CCDC6: variants seen among roughly 807,000 people sequenced by gnomAD.
The protein encoded by CCDC6 is coiled-coil domain containing 6, also known as coiled-coil domain-containing protein 6.
Under a neutral mutation model 56.6 loss-of-function variants are expected in CCDC6, and 20 were observed. That is an observed-to-expected ratio of 0.35 (90% CI 0.25 to 0.51). The LOEUF (loss-of-function observed/expected upper bound fraction) is 0.51, where lower values mean the gene tolerates loss of function less well. CCDC6 is among the 20% of genes least tolerant of loss of function. The probability of loss-of-function intolerance (pLI) is 0.95; values close to 1 mark genes in which losing one functional copy is unlikely to be tolerated. For missense variants in CCDC6, 367 were observed against 601.1 expected, an observed-to-expected ratio of 0.61 and a Z score of 4.07; for synonymous variants, 241 against 234.4, an observed-to-expected ratio of 1.03 and a Z score of -0.26.
chr10:59,862,774 G>C (rs1012684181), intron 1 of CCDC6, among the ~76,000 whole-genome samples: 18 of 152,124 alleles, frequency 1.2e-4, no homozygotes, highest in Non-Finnish European at 2.2e-4. Context: ...CAAGTATCAA[G>C]ATCAGTGGGA....
intron 1 of CCDC6, among the ~76,000 whole-genome samples, chr10:59,864,581 T>C (rs1216427799): frequency 6.6e-6 from 1 of 152,172 alleles, no homozygotes; most frequent in Admixed American, 6.5e-5. Context: ...AGAACAAGCT[T>C]ACTCAATCAG....
chr10:59,864,180 T>A (rs2071158131), intron 1 of CCDC6, among the ~76,000 whole-genome samples: 3 of 151,990 alleles, frequency 2.0e-5, no homozygotes, highest in Admixed American at 6.6e-5. Context: ...AGAAGAAAGT[T>A]CCCCCCACCT....
intron 1 of CCDC6, among the ~76,000 whole-genome samples, chr10:59,885,915 GC>G (rs1554887624): frequency 8.4e-6 from 1 of 118,760 alleles, no homozygotes; most frequent in Non-Finnish European, 1.7e-5. Flanking sequence ...TTCCAACCCC[GC>G]CCCCCGCCCC....
chr10:59,906,033 G>A, intron 1 of CCDC6, 89 bp downstream of exon 1: 1 of 1,152,540 alleles, frequency 8.7e-7, no homozygotes, highest in African/African-American at 1.5e-5. Context: ...GGAATCTGGG[G>A]AAGACTTGGG....
intron 4 of CCDC6, among the ~76,000 whole-genome samples, chr10:59,814,205 T>C (rs1054661962): frequency 6.6e-6 from 1 of 152,210 alleles, no homozygotes; most frequent in Non-Finnish European, 1.5e-5. Context: ...TTCTTTACAG[T>C]AGGTTTTAAA....
At chr10:59,866,487 A>G (rs1481135902) in intron 1 of CCDC6, among the ~76,000 whole-genome samples, 3 of 152,236 alleles carry the variant, frequency 2.0e-5, no homozygotes, top group African/African-American at 7.2e-5. Flanking sequence ...ATATATGCAT[A>G]TACTCGTATA....
chr10:59,849,131 T>G (rs2071017450), intron 2 of CCDC6, among the ~76,000 whole-genome samples: 2 of 152,248 alleles, frequency 1.3e-5, no homozygotes, highest in Non-Finnish European at 2.9e-5. Flanking sequence ...TTAGCTCTAA[T>G]GTAGGTTCAT....
intron 7 of CCDC6, among the ~76,000 whole-genome samples, chr10:59,798,168 C>T (rs1050399572): frequency 6.6e-6 from 1 of 152,186 alleles, no homozygotes; most frequent in Non-Finnish European, 1.5e-5. Flanking sequence ...AAAGGGAAAA[C>T]AGAGGAGCTG....
intron 1 of CCDC6, among the ~76,000 whole-genome samples, chr10:59,861,225 GGT>G (rs1257043658): frequency 2.6e-5 from 4 of 151,830 alleles, no homozygotes; most frequent in Non-Finnish European, 5.9e-5. Context: ...CGGGTGCGGT[GGT>G]GTGTGCTTGT....
At chr10:59,835,569 C>G (rs1434724672) in intron 2 of CCDC6, among the ~76,000 whole-genome samples, 6 of 152,206 alleles carry the variant, frequency 3.9e-5, no homozygotes, top group Non-Finnish European at 8.8e-5. Flanking sequence ...TCAAGCCATT[C>G]TGAGATCTAA....
chr10:59,882,479 GA>G (rs1589060610), intron 1 of CCDC6, among the ~76,000 whole-genome samples: 2 of 79,758 alleles, frequency 2.5e-5, no homozygotes, highest in South Asian at 4.9e-4. Flanking sequence ...AAGCCAGGGG[GA>G]GAAGGAAAGG....
At chr10:59,897,180 T>C (rs1033137690) in intron 1 of CCDC6, among the ~76,000 whole-genome samples, 2 of 152,206 alleles carry the variant, frequency 1.3e-5, no homozygotes, top group Admixed American at 6.5e-5. Context: ...AACTCTGGTC[T>C]AGTGAAGAAC....
At chr10:59,800,674 T>C (rs1440826784) in intron 7 of CCDC6, among the ~76,000 whole-genome samples, 5 of 151,720 alleles carry the variant, frequency 3.3e-5, no homozygotes, top group South Asian at 4.2e-4. Context: ...CTCTTAGAGG[T>C]TGGAAATCAT....
intron 1 of CCDC6, among the ~76,000 whole-genome samples, chr10:59,863,304 G>A (rs2458664): frequency 0.16 from 24,867 of 152,094 alleles, 2,574 homozygotes; most frequent in African/African-American, 0.29. Context: ...GTGTTATATG[G>A]TCCACTTTTG....
At chr10:59,899,682 C>T (rs1310163629) in intron 1 of CCDC6, among the ~76,000 whole-genome samples, 1 of 152,240 alleles carries the variant, frequency 6.6e-6, no homozygotes, top group Non-Finnish European at 1.5e-5. Context: ...GAATGATCTG[C>T]CACCATCACC....
At chr10:59,856,392 CAT>C (rs1334767012) in intron 1 of CCDC6, among the ~76,000 whole-genome samples, 1 of 151,028 alleles carries the variant, frequency 6.6e-6, no homozygotes, top group Admixed American at 6.6e-5. Flanking sequence ...TGACAATATG[CAT>C]AGAGTTAATT....
chr10:59,882,049 GGGGGAGAAGGAAAGGAAAGCCGC>G (rs1564755831), intron 1 of CCDC6, among the ~76,000 whole-genome samples: 36 of 41,034 alleles, frequency 8.8e-4, no homozygotes, highest in Middle Eastern at 0.015. Flanking sequence ...AGGAAAGCCA[GGGGGAGAAGGAAAGGAAAGCCGC>G]GGGGAGAAGG....
intron 4 of CCDC6, among the ~76,000 whole-genome samples, chr10:59,813,116 C>G (rs2070686115): frequency 6.6e-6 from 1 of 152,190 alleles, no homozygotes; most frequent in Non-Finnish European, 1.5e-5. Context: ...CTTAGAAATA[C>G]CTGCTGACTC....
At chr10:59,823,923 C>T (rs1358743852) in intron 3 of CCDC6, among the ~76,000 whole-genome samples, 1 of 152,214 alleles carries the variant, frequency 6.6e-6, no homozygotes, top group Admixed American at 6.5e-5. Flanking sequence ...CTGCAGCAAA[C>T]CACTGCCCTT....
Sources: allele counts gnomAD v4.1 joint callset (sites outside exome capture counted in the v4.1 genomes callset), GRCh38; gene constraint gnomAD v4.1.1; transcripts MANE v1.5; gene names NCBI Gene and HGNC (gene_info 2026-07-23, HGNC 2026-07-21).